Variants in SLC16A5 observed in about 807,000 individuals in gnomAD.
The protein encoded by SLC16A5 is solute carrier family 16 member 5, also known as monocarboxylate transporter 6.
In SLC16A5, 29 loss-of-function variants were observed where a neutral mutation model predicts 33.2. That is an observed-to-expected ratio of 0.87 (90% CI 0.65 to 1.19). The LOEUF (loss-of-function observed/expected upper bound fraction) is 1.19, where lower values mean the gene tolerates loss of function less well. SLC16A5 is among the 50% of genes most tolerant of loss of function. SLC16A5 has a pLI of 0.00. For missense variants in SLC16A5, 606 were observed against 678.2 expected (o/e 0.89, Z 1.18); for synonymous variants, 248 against 284.1 (o/e 0.87, Z 1.28).
chr17:75,104,549 T>C, intron 6 of SLC16A5: 1 of 830,428 alleles, frequency 1.2e-6, no homozygotes, highest in Non-Finnish European at 1.5e-6. Context: ...CCCCCCAAGT[T>C]CAAGCGATTC....
intron 3 of SLC16A5, among the ~76,000 whole-genome samples, chr17:75,095,328 C>T (rs998086915): frequency 3.3e-5 from 5 of 152,282 alleles, no homozygotes; most frequent in East Asian, 3.9e-4. Flanking sequence ...ACCGGGCACC[C>T]GGCGGGGAAC....
chr17:75,100,632 G>A lies in SLC16A5; in HGVS notation c.969G>A (p.Ala323=), dbSNP rs151010040. 34 of 1,614,072 alleles carry A rather than the reference G, an allele frequency of 2.1e-5. No individual in the cohort carries two copies. The highest frequency in any genetic ancestry group is 1.1e-4 in the East Asian group (5 of 44,890). ...LLNGLTNLVC[A]ASGDFWVLVG... ...ATGGGCTCACTAACCTGGTGTGTGCGGCATCAGGTGACTTCTGGGTGCTCG... is the reference window on the plus strand; with the variant it reads ...ATGGGCTCACTAACCTGGTGTGTGCAGCATCAGGTGACTTCTGGGTGCTCG... Residue 323 remains alanine (A), a synonymous_variant, in exon 5 of 7, where the codon GCG becomes GCA. Coordinates refer to ENST00000329783, the MANE Select transcript of SLC16A5 (RefSeq NM_004695.4).
intron 2 of SLC16A5, among the ~76,000 whole-genome samples, chr17:75,092,158 T>C (rs2144994976): frequency 6.6e-6 from 1 of 152,166 alleles, no homozygotes; most frequent in Admixed American, 6.5e-5. Flanking sequence ...TGTGTCTCTC[T>C]GTGTTTGTGT....
At chr17:75,110,082 A>G (rs1393218164), downstream of SLC16A5, 8 of 571,236 alleles carry the variant, frequency 1.4e-5, no homozygotes, top group South Asian at 6.5e-5. Flanking sequence ...CGCAACTCCT[A>G]CAGGATTCTG....
chr17:75,105,934 A>G lies in SLC16A5; in HGVS notation c.1419A>G (p.Gly473=), dbSNP rs1235111774. The G allele has an allele frequency of 6.2e-7, 1 of 1,611,794 alleles. No homozygotes were observed. Among genetic ancestry groups the G allele is most frequent in the Non-Finnish European group, 8.5e-7 (1 of 1,178,564 alleles). ...CTGGCGTCAATAAGCATCTTTGGGGATGTCCTGCCTCCTCCAGGACCAGCC... is the reference window on the plus strand; with the variant it reads ...CTGGCGTCAATAAGCATCTTTGGGGGTGTCCTGCCTCCTCCAGGACCAGCC... ...RPAGVNKHLW[G]CPASSRTSHE... is the part of the protein sequence containing the mutation. Residue 473 remains glycine, a synonymous_variant, in exon 7 of 7, where the codon GGA becomes GGG. Coordinates refer to ENST00000329783, the MANE Select transcript of SLC16A5 (RefSeq NM_004695.4).
At position 75,104,799 on chromosome 17, in the gene SLC16A5, G is replaced by A. The variant is rs560277004; in HGVS notation, c.1364+619G>A. On this transcript the variant is annotated intron_variant, in intron 6 of 6. Coordinates refer to ENST00000329783, the MANE Select transcript of SLC16A5 (RefSeq NM_004695.4). ...GCGGAATCCAGGAGCAGGCCCTCCG[G>A]ACTTTTTTCCTTGGGTACCAGGGTA... is the stretch of plus-strand genomic sequence containing the variant. The A allele has an allele frequency of 5.8e-4, 575 of 985,366 alleles. 1 individual carries two copies. The highest frequency in any genetic ancestry group is 6.8e-4 in the Admixed American group (11 of 16,274). 61.0% of individuals were successfully genotyped at this position (985,366 alleles called of 1,614,324 possible).
In SLC16A5 at chr17:75,089,251, C is replaced by T. The variant is rs931448936; in HGVS notation, c.-102C>T. ...TTGAGTCTGGAATGGACCTCCCTGC[C>T]TGGAAGCTGCATTGCCCTTGGTCCT... On this transcript the variant is annotated 5_prime_UTR_variant, in exon 2 of 7. Coordinates refer to ENST00000329783, the MANE Select transcript of SLC16A5 (RefSeq NM_004695.4). 12 of 152,684 alleles carry T rather than the reference C, an allele frequency of 7.9e-5. No homozygotes were observed. The highest frequency in any genetic ancestry group is 5.2e-4 in the Admixed American group (8 of 15,290). 9.5% of individuals were successfully genotyped at this position (152,684 alleles called of 1,614,324 possible).
rs1451070537 is a variant in SLC16A5, at chr17:75,100,424, T to C, written c.761T>C (p.Leu254Pro). ...GVMWSVLGFP[L>P]PQVFLVPYAM... ...ATGTGGTCCGTCCTGGGCTTCCCAC[T>C]GCCACAAGTCTTCCTGGTGCCATAT... The change falls in exon 5 of 7, where the codon CTG (leucine) becomes CCG (proline). Residue 254 changes from leucine to proline, a missense_variant. Coordinates refer to ENST00000329783, the MANE Select transcript of SLC16A5 (RefSeq NM_004695.4). 1 of 1,614,258 alleles carries C rather than the reference T, an allele frequency of 6.2e-7. No homozygotes were observed. The highest frequency in any genetic ancestry group is 1.1e-5 in the South Asian group (1 of 91,090).
At chr17:75,103,366 G>C (rs887576317) in intron 5 of SLC16A5, among the ~76,000 whole-genome samples, 1 of 140,280 alleles carries the variant, frequency 7.1e-6, no homozygotes, top group Admixed American at 7.4e-5. Context: ...GTCTCACTCT[G>C]TTGCCCAGAC....
chr17:75,087,825 C>A, upstream of SLC16A5: 1 of 152,744 alleles, frequency 6.5e-6, no homozygotes, highest in South Asian at 2.0e-4. Context: ...TGGACTGTCC[C>A]CGGCCACGCC....
At chr17:75,099,596 C>T (rs2073763250) in intron 4 of SLC16A5, among the ~76,000 whole-genome samples, 1 of 151,972 alleles carries the variant, frequency 6.6e-6, no homozygotes, top group South Asian at 2.1e-4. Context: ...CAGGCGCCTG[C>T]CACTAAGCCT....
rs2073776502 is a variant in SLC16A5, at chr17:75,100,330, A to G, written c.667A>G (p.Ile223Val). The stretch of plus-strand genomic sequence containing the variant: ...CTGCCTGGCTGCATGCGGCCGGACC[A>G]TCCAGCGCCACCTGGCCTTCGACAT... ...LGCLAACGRT[I>V]QRHLAFDILR... Residue 223 changes from isoleucine to valine, a missense_variant, in exon 5 of 7, where the codon ATC (isoleucine) becomes GTC (valine). By Grantham distance (29) the Ile-to-Val change is conservative. Transcript: ENST00000329783. 1 of 1,614,118 alleles carries G rather than the reference A, an allele frequency of 6.2e-7. No homozygotes were observed. The highest frequency in any genetic ancestry group is 1.3e-5 in the African/African-American group (1 of 75,030).
downstream of SLC16A5, chr17:75,109,990 G>C (rs1377533715): frequency 1.2e-5 from 4 of 343,824 alleles, no homozygotes; most frequent in East Asian, 2.3e-4. This position sits in a 1 kb window ranked among gnomAD's most constrained non-coding sequence, Gnocchi z 5.0. Context: ...CAGGAGCCGG[G>C]GACGGTGCGC....
intron 6 of SLC16A5, chr17:75,104,415 CTTTTTTTTT>C (rs577017676): frequency 1.1e-5 from 11 of 1,004,440 alleles, no homozygotes; most frequent in Admixed American, 1.2e-4. Flanking sequence ...CTGAGAAACT[CTTTTTTTTT>C]TTTTTTTTTT....
At chr17:75,095,248 C>T (rs961497946) in intron 3 of SLC16A5, among the ~76,000 whole-genome samples, 2 of 152,186 alleles carry the variant, frequency 1.3e-5, no homozygotes, top group Non-Finnish European at 2.9e-5. Context: ...AGGGTTGGGG[C>T]AGGGAGTGGG....
At chr17:75,088,608 C>T (rs955934431) in intron 1 of SLC16A5, among the ~76,000 whole-genome samples, 1 of 152,124 alleles carries the variant, frequency 6.6e-6, no homozygotes, top group African/African-American at 2.4e-5. Flanking sequence ...AGCCCTTCTG[C>T]TGCCTGCCTG....
intron 3 of SLC16A5, among the ~76,000 whole-genome samples, chr17:75,094,343 C>T (rs913896882): frequency 1.3e-5 from 2 of 152,164 alleles, no homozygotes; most frequent in Admixed American, 6.5e-5. Flanking sequence ...TTTTGGAGAC[C>T]CTCACTAGGG....
At chr17:75,109,515 G>A (rs532278506), downstream of SLC16A5, among the ~76,000 whole-genome samples, 18 of 152,304 alleles carry the variant, frequency 1.2e-4, no homozygotes, top group East Asian at 2.7e-3. The surrounding 1 kb of genome is among the most constrained non-coding windows in gnomAD (Gnocchi z 5.0). Context: ...CCTCCAACAT[G>A]GGTGCTGCCA....
At chr17:75,095,770 C>T (rs2073710290) in intron 3 of SLC16A5, among the ~76,000 whole-genome samples, 1 of 152,054 alleles carries the variant, frequency 6.6e-6, no homozygotes, top group South Asian at 2.1e-4. Flanking sequence ...AGCGATTCTC[C>T]TGCCTCAGCC....
Sources: gnomAD v4.1 joint callset for allele counts (sites outside exome capture counted in the v4.1 genomes callset) on GRCh38, gnomAD v4.1.1 for gene constraint, Gnocchi (gnomAD v3.1) non-coding constraint, MANE v1.5 for transcripts, NCBI Gene and HGNC (gene_info 2026-07-23, HGNC 2026-07-21) for gene names.